RASGRF2: variants seen among roughly 807,000 people sequenced by gnomAD.
RASGRF2 encodes the protein ras-specific guanine nucleotide-releasing factor 2.
A neutral mutation model predicts 151.0 loss-of-function variants in RASGRF2; 76 were observed. That is an observed-to-expected ratio of 0.50 (90% CI 0.42 to 0.61). The LOEUF is 0.61. Among genes scored for constraint, RASGRF2 ranks in the 20% least tolerant of loss-of-function variants. The pLI, the probability that RASGRF2 is intolerant of heterozygous loss-of-function variation, is 0.00. For synonymous variants in RASGRF2, 504 were observed against 566.5 expected (o/e 0.89, Z 1.57); for missense variants, 1,148 against 1,564.6 (o/e 0.73, Z 4.49).
At chr5:81,034,801 G>A (rs535878620) in intron 1 of RASGRF2, among the ~76,000 whole-genome samples, 1 of 88,334 alleles carries the variant, frequency 1.1e-5, no homozygotes, top group East Asian at 2.5e-4. Flanking sequence ...GACTGTTGTG[G>A]GGTGGGAGGG....
intron 18 of RASGRF2, among the ~76,000 whole-genome samples, chr5:81,187,468 C>T (rs900799788): frequency 3.9e-5 from 6 of 152,282 alleles, no homozygotes; most frequent in South Asian, 2.1e-4. Flanking sequence ...AGAACCCGAC[C>T]GGGTGGTCTC....
At chr5:81,069,476 G>A (rs745853186) in intron 3 of RASGRF2, among the ~76,000 whole-genome samples, 2 of 152,220 alleles carry the variant, frequency 1.3e-5, no homozygotes, top group Non-Finnish European at 2.9e-5. Flanking sequence ...CTCAGTGAAA[G>A]AGGTTGGTAT....
At chr5:81,012,589 A>G (rs1259680975) in intron 1 of RASGRF2, among the ~76,000 whole-genome samples, 1 of 152,102 alleles carries the variant, frequency 6.6e-6, no homozygotes, top group East Asian at 1.9e-4. Context: ...GTCCAAGGTT[A>G]TGCCCTTCCT....
chr5:81,097,377 T>C (rs1196120417), intron 12 of RASGRF2, among the ~76,000 whole-genome samples: 3 of 152,214 alleles, frequency 2.0e-5, no homozygotes, highest in African/African-American at 7.2e-5. Flanking sequence ...GATATATGCC[T>C]GGCACTGTTC....
intron 25 of RASGRF2, among the ~76,000 whole-genome samples, chr5:81,218,452 G>A (rs1343352546): frequency 6.6e-6 from 1 of 152,136 alleles, no homozygotes; most frequent in African/African-American, 2.4e-5. Flanking sequence ...TGTTGAAAAG[G>A]GTGTCCTTTC....
chr5:81,159,565 G>A (rs1754335920), intron 17 of RASGRF2, among the ~76,000 whole-genome samples: 1 of 152,160 alleles, frequency 6.6e-6, no homozygotes, highest in Non-Finnish European at 1.5e-5. Context: ...GCTTGGGGGT[G>A]GGAACAGGGA....
intron 18 of RASGRF2, among the ~76,000 whole-genome samples, chr5:81,189,164 C>G (rs1755100419): frequency 6.6e-6 from 1 of 152,218 alleles, no homozygotes; most frequent in African/African-American, 2.4e-5. Flanking sequence ...CCCCAGGCCA[C>G]CTGCCTGCAG....
intron 1 of RASGRF2, chr5:81,019,598 T>C (rs1441020049): frequency 6.6e-6 from 1 of 152,172 alleles, no homozygotes; most frequent in African/African-American, 2.4e-5. Context: ...AAAGAACGTG[T>C]GTAGTAATTT....
intron 22 of RASGRF2, chr5:81,209,954 C>T (rs1235196159): frequency 6.6e-6 from 1 of 152,650 alleles, no homozygotes; most frequent in African/African-American, 2.4e-5. Context: ...TACCAGCTCA[C>T]CCTTACCACT....
intron 17 of RASGRF2, among the ~76,000 whole-genome samples, chr5:81,169,033 T>A (rs897540072): frequency 3.3e-5 from 5 of 152,242 alleles, no homozygotes; most frequent in African/African-American, 1.2e-4. Context: ...TGTACCTATG[T>A]GAGCCCATCC....
At chr5:81,055,311 A>C (rs1474202221) in intron 2 of RASGRF2, among the ~76,000 whole-genome samples, 1 of 152,098 alleles carries the variant, frequency 6.6e-6, no homozygotes, top group African/African-American at 2.4e-5. Context: ...ATCAATACCT[A>C]ATTTATTGAG....
At chr5:81,080,080 A>G (rs751978114) in intron 5 of RASGRF2, 41 bp from the exon 6 acceptor site, 1 of 1,580,462 alleles carries the variant, frequency 6.3e-7, no homozygotes, top group South Asian at 1.2e-5. Context: ...AAATAAACAC[A>G]TTATAGCAAC....
intron 1 of RASGRF2, among the ~76,000 whole-genome samples, chr5:80,973,893 G>C (rs1167244943): frequency 6.6e-6 from 1 of 152,166 alleles, no homozygotes; most frequent in East Asian, 1.9e-4. Flanking sequence ...ACAATGGTGT[G>C]GCTGGAAACA....
chr5:80,962,028 A>T (rs1464304603), intron 1 of RASGRF2, among the ~76,000 whole-genome samples: 1 of 152,230 alleles, frequency 6.6e-6, no homozygotes, highest in Non-Finnish European at 1.5e-5. Flanking sequence ...TTCAGATCAG[A>T]CAGCATCTAC....
Position 81,092,852 on chromosome 5 carries a change from G to C in RASGRF2, c.1442G>C (p.Arg481Pro). ...GAGAGGGGGAAACTTAGTAAAGTTC[G>C]CCTGGGTTCGTTGTCTTTGAAAAAG... is the stretch of plus-strand genomic sequence containing the variant. ...SVERGKLSKV[R>P]LGSLSLKKEG... The change falls in exon 10 of 27, where the codon CGC (arginine) becomes CCC (proline). Residue 481 changes from arginine (R) to proline (P), a missense_variant. Arg to Pro is a moderately radical substitution (Grantham distance 103). This residue lies in a region of RASGRF2 where 646 missense variants were observed against 807.4 expected (regional missense o/e 0.80). Transcript: ENST00000265080. The C allele has an allele frequency of 6.2e-7, 1 of 1,613,272 alleles. No homozygotes were observed.
intron 1 of RASGRF2, among the ~76,000 whole-genome samples, chr5:80,996,039 G>T (rs1748847670): frequency 6.6e-6 from 1 of 151,872 alleles, no homozygotes; most frequent in Admixed American, 6.6e-5. Flanking sequence ...TTTGCTCATT[G>T]CATTACCCCC....
At chr5:81,045,852 G>A (rs568878412) in intron 2 of RASGRF2, among the ~76,000 whole-genome samples, 2 of 152,180 alleles carry the variant, frequency 1.3e-5, no homozygotes, top group Admixed American at 1.3e-4. Context: ...AATTCACCTT[G>A]ATTTTGTTCA....
rs553472347 is a variant in RASGRF2, at chr5:81,158,801, T to C, written c.2687-21374T>C. ...AGATGGTGACAAGAGGCAGTAAGAA[T>C]GTGGAGAAACAGGAACCCTCATACA... is the stretch of plus-strand genomic sequence containing the variant. On this transcript the variant is annotated intron_variant, in intron 17 of 26. Coordinates refer to ENST00000265080, the MANE Select transcript of RASGRF2 (RefSeq NM_006909.3). Among the ~76,000 whole-genome samples, 17 of 152,250 alleles carry C rather than the reference T, an allele frequency of 1.1e-4. No homozygotes were observed. The South Asian group carries it at 3.3e-3, about 30-fold the overall frequency.
At chr5:81,088,231 G>A (rs888985489) in intron 9 of RASGRF2, 1 of 152,342 alleles carries the variant, frequency 6.6e-6, no homozygotes, top group Non-Finnish European at 1.5e-5. Context: ...TGGGGGCTGG[G>A]AATGTCCTTA....
Sources: allele counts gnomAD v4.1 joint callset (sites outside exome capture counted in the v4.1 genomes callset), GRCh38; gene constraint gnomAD v4.1.1; regional missense constraint gnomAD v4.1.1; transcripts MANE v1.5; gene names NCBI Gene and HGNC (gene_info 2026-07-23, HGNC 2026-07-21).